The following KCNT2 variants were observed in gnomAD, a reference collection of about 807,000 sequenced individuals.
KCNT2 encodes the protein potassium channel subfamily T member 2.
Under a neutral mutation model 153.8 loss-of-function variants are expected in KCNT2, and 67 were observed. The ratio of observed to expected loss-of-function variants is 0.44; its 90% CI spans 0.36 to 0.53. The LOEUF (loss-of-function observed/expected upper bound fraction) is 0.53. Among genes scored for constraint, KCNT2 ranks in the 20% least tolerant of loss-of-function variants. KCNT2 has a pLI of 0.00. For missense variants in KCNT2, 975 were observed against 1,354.8 expected, an observed-to-expected ratio of 0.72 and a Z score of 4.40; for synonymous variants, 500 against 458.8, an observed-to-expected ratio of 1.09 and a Z score of -1.15.
intron 12 of KCNT2, among the ~76,000 whole-genome samples, chr1:196,414,699 G>C (rs1175813761): frequency 6.6e-6 from 1 of 151,848 alleles, no homozygotes; most frequent in Non-Finnish European, 1.5e-5. Context: ...CTAGGAATTA[G>C]CTTTGATTGT....
intron 8 of KCNT2, among the ~76,000 whole-genome samples, chr1:196,430,841 T>C (rs1674090092): frequency 6.6e-6 from 1 of 152,056 alleles, no homozygotes; most frequent in African/African-American, 2.4e-5. Context: ...TTTTGCAATG[T>C]TGGAGGAAGA....
At chr1:196,445,455 T>A (rs1457020141) in intron 8 of KCNT2, among the ~76,000 whole-genome samples, 1 of 151,338 alleles carries the variant, frequency 6.6e-6, no homozygotes, top group Admixed American at 6.6e-5. Context: ...AATGTAACCA[T>A]TAAAAATAAA....
intron 1 of KCNT2, among the ~76,000 whole-genome samples, chr1:196,551,753 A>G (rs1657936212): frequency 6.6e-6 from 1 of 151,554 alleles, no homozygotes; most frequent in Non-Finnish European, 1.5e-5. Context: ...CTGAATCATG[A>G]CCTGAAAAAA....
intron 1 of KCNT2, among the ~76,000 whole-genome samples, chr1:196,523,715 G>T (rs1244659384): frequency 6.6e-6 from 1 of 152,082 alleles, no homozygotes; most frequent in Non-Finnish European, 1.5e-5. Context: ...TAAAAACTGA[G>T]GTCAGAGGAT....
At chr1:196,270,397 G>A (rs1035564253) in intron 25 of KCNT2, among the ~76,000 whole-genome samples, 3 of 152,030 alleles carry the variant, frequency 2.0e-5, no homozygotes, top group African/African-American at 7.2e-5. Context: ...ATATAAAAAC[G>A]TATTTGCTTT....
chr1:196,450,129 C>G (rs1676028483), intron 8 of KCNT2, among the ~76,000 whole-genome samples: 1 of 151,766 alleles, frequency 6.6e-6, no homozygotes, highest in Admixed American at 6.6e-5. Context: ...TGCATTTTCA[C>G]TCATTTTTGC....
At chr1:196,325,607 T>C (rs1330953134) in intron 19 of KCNT2, among the ~76,000 whole-genome samples, 9 of 152,158 alleles carry the variant, frequency 5.9e-5, no homozygotes, top group Non-Finnish European at 1.0e-4. Flanking sequence ...AAATTTGTTT[T>C]AACAAACTTT....
intron 16 of KCNT2, among the ~76,000 whole-genome samples, chr1:196,336,728 T>C (rs1665074140): frequency 6.6e-6 from 1 of 152,200 alleles, no homozygotes; most frequent in South Asian, 2.1e-4. Flanking sequence ...CTAAAGTCAA[T>C]TGACACTTCT....
chr1:196,489,573 A>G (rs1160890522), intron 3 of KCNT2, among the ~76,000 whole-genome samples: 1 of 151,932 alleles, frequency 6.6e-6, no homozygotes, highest in Non-Finnish European at 1.5e-5. Context: ...TAAAACAAAA[A>G]CTACTTAATG....
At chr1:196,284,628 T>C (rs929728653) in intron 23 of KCNT2, among the ~76,000 whole-genome samples, 2 of 151,836 alleles carry the variant, frequency 1.3e-5, no homozygotes, top group Non-Finnish European at 2.9e-5. Context: ...CAGAAGTATG[T>C]GTGTTTGGTA....
chr1:196,370,525 G>A (rs7552975), intron 14 of KCNT2, among the ~76,000 whole-genome samples: 44,084 of 151,708 alleles, frequency 0.29, 9,772 homozygotes, highest in African/African-American at 0.63. Context: ...ACCACTTCAT[G>A]CCCACTAGGA....
At chr1:196,561,501 T>C (rs567330995) in intron 1 of KCNT2, among the ~76,000 whole-genome samples, 101 of 151,494 alleles carry the variant, frequency 6.7e-4, no homozygotes, top group Admixed American at 1.3e-3. Flanking sequence ...AGATGACTCC[T>C]AAGTTGTTGA....
intron 8 of KCNT2, among the ~76,000 whole-genome samples, chr1:196,444,382 T>C (rs1675507933): frequency 6.6e-6 from 1 of 151,514 alleles, no homozygotes; most frequent in Admixed American, 6.6e-5. Flanking sequence ...CTTTTTCCTT[T>C]TTTTAAGGCT....
intron 1 of KCNT2, among the ~76,000 whole-genome samples, chr1:196,554,594 G>GC (rs1239815549): frequency 1.3e-5 from 2 of 150,886 alleles, no homozygotes; most frequent in East Asian, 3.9e-4. Context: ...TACTCAAACT[G>GC]CCCTGAAAAG....
chr1:196,358,590 T>C (rs921656214), intron 14 of KCNT2, among the ~76,000 whole-genome samples: 3 of 151,984 alleles, frequency 2.0e-5, no homozygotes, highest in African/African-American at 7.2e-5. Flanking sequence ...AATACATGCT[T>C]GAATCTCTTT....
chr1:196,491,138 A>G (rs1038851003), intron 2 of KCNT2, among the ~76,000 whole-genome samples: 1 of 152,048 alleles, frequency 6.6e-6, no homozygotes, highest in African/African-American at 2.4e-5. Flanking sequence ...TGAAGTATTC[A>G]AACAATGCAT....
rs759962707 is a variant in KCNT2 at position 196,228,309 on chromosome 1, G to A, written c.3323C>T (p.Ala1108Val). 1.9e-6 allele frequency: 3 copies of A among 1,607,274 alleles called. No homozygotes were observed. Among genetic ancestry groups the A allele is most frequent in the Non-Finnish European group, 2.6e-6 (3 of 1,174,974 alleles). ...ACTGGGCTCACTGTTTGGAAGGTAGGCCAGTGGATCTGGTCGAATTAAGTA... is the reference window on the plus strand; with the variant it reads ...ACTGGGCTCACTGTTTGGAAGGTAGACCAGTGGATCTGGTCGAATTAAGTA... ...VVYLIRPDPL[A>V]YLPNSEPSRR... Residue 1108 changes from alanine to valine, a missense_variant, in exon 28 of 28, where the codon GCC becomes GTC. Ala to Val is a moderately conservative substitution (Grantham distance 64). Transcript: ENST00000294725.
intron 25 of KCNT2, among the ~76,000 whole-genome samples, chr1:196,260,418 G>A (rs1429855304): frequency 6.6e-6 from 1 of 151,750 alleles, no homozygotes; most frequent in African/African-American, 2.4e-5. Flanking sequence ...TCTACAAGAT[G>A]AACTGAAACC....
At chr1:196,445,148 A>T (rs1675576591) in intron 8 of KCNT2, among the ~76,000 whole-genome samples, 1 of 151,380 alleles carries the variant, frequency 6.6e-6, no homozygotes, top group Non-Finnish European at 1.5e-5. Flanking sequence ...ATGTTTAAAG[A>T]TATGTTCACA....
Sources: gnomAD v4.1 joint callset for allele counts (sites outside exome capture counted in the v4.1 genomes callset) on GRCh38, gnomAD v4.1.1 for gene constraint, MANE v1.5 for transcripts, NCBI Gene and HGNC (gene_info 2026-07-23, HGNC 2026-07-21) for gene names.